TMX2: variants seen among roughly 807,000 people sequenced by gnomAD.
TMX2 encodes thioredoxin-related transmembrane protein 2.
In TMX2, 20 loss-of-function variants were observed where a neutral mutation model predicts 33.4. The ratio of observed to expected loss-of-function variants is 0.60; its 90% CI spans 0.42 to 0.87. TMX2 has a LOEUF of 0.87. TMX2 is among the 40% of genes least tolerant of loss of function. TMX2 has a pLI of 0.00. For synonymous variants in TMX2, 166 were observed against 140.7 expected, an observed-to-expected ratio of 1.18 and a Z score of -1.27; for missense variants, 340 against 370.7, an observed-to-expected ratio of 0.92 and a Z score of 0.68.
chr11:57,732,268 C>A (rs548934613), intron 1 of TMX2, among the ~76,000 whole-genome samples: 1 of 152,152 alleles, frequency 6.6e-6, no homozygotes, highest in Admixed American at 6.5e-5. Flanking sequence ...CAGATGAAGG[C>A]GCATCATCCA....
intron 1 of TMX2, among the ~76,000 whole-genome samples, chr11:57,715,432 T>A (rs1054948329): frequency 3.3e-5 from 5 of 149,504 alleles, no homozygotes; most frequent in Non-Finnish European, 7.4e-5. Flanking sequence ...ATTAAAAAAA[T>A]ATATTTTATA....
At chr11:57,713,321 C>G (rs539940982) in intron 1 of TMX2, among the ~76,000 whole-genome samples, 1 of 152,140 alleles carries the variant, frequency 6.6e-6, no homozygotes, top group African/African-American at 2.4e-5. Flanking sequence ...CACTGTCAGC[C>G]GCTTCTTAAT....
At chr11:57,729,114 CTCT>C (rs1462801395) in intron 1 of TMX2, among the ~76,000 whole-genome samples, 1 of 151,772 alleles carries the variant, frequency 6.6e-6, no homozygotes, top group African/African-American at 2.4e-5. Flanking sequence ...AGCTCAGCTC[CTCT>C]AAGGAGAAAA....
At chr11:57,718,805 G>T (rs1477412380) in intron 1 of TMX2, among the ~76,000 whole-genome samples, 1 of 150,738 alleles carries the variant, frequency 6.6e-6, no homozygotes, top group African/African-American at 2.4e-5. Flanking sequence ...ACAGGTGCCT[G>T]CCACCACGTC....
intron 1 of TMX2, among the ~76,000 whole-genome samples, chr11:57,734,986 C>T (rs1444406345): frequency 3.3e-5 from 5 of 150,866 alleles, no homozygotes; most frequent in Non-Finnish European, 5.9e-5. Flanking sequence ...ATACAAAAGC[C>T]GGGCGTGGTG....
chr11:57,740,069 G>T, intron 7 of TMX2, 30 bp from the exon 8 acceptor site: 1 of 1,613,608 alleles, frequency 6.2e-7, no homozygotes, highest in Middle Eastern at 1.7e-4. Context: ...TTCCAACCCA[G>T]ATCCTGACGT....
At chr11:57,716,761 G>C (rs1160044664) in intron 1 of TMX2, among the ~76,000 whole-genome samples, 2 of 144,618 alleles carry the variant, frequency 1.4e-5, no homozygotes, top group African/African-American at 2.6e-5. Context: ...CAGGCAGAGG[G>C]GCTCCTCACT....
intron 1 of TMX2, among the ~76,000 whole-genome samples, chr11:57,713,888 C>T (rs897662267): frequency 6.6e-6 from 1 of 152,100 alleles, no homozygotes; most frequent in African/African-American, 2.4e-5. Context: ...AAAAATCTGT[C>T]CAGGTGTGTT....
intron 1 of TMX2, among the ~76,000 whole-genome samples, chr11:57,728,338 A>AT (rs1189081004): frequency 6.6e-6 from 1 of 151,928 alleles, no homozygotes. Flanking sequence ...AATTTTTTAT[A>AT]TTTTTAGTAG....
chr11:57,731,083 T>C (rs923497626), intron 1 of TMX2, among the ~76,000 whole-genome samples: 104 of 151,846 alleles, frequency 6.8e-4, no homozygotes, highest in Middle Eastern at 3.4e-3. Flanking sequence ...ATTCTTCAGA[T>C]TGATATCTTA....
intron 1 of TMX2, among the ~76,000 whole-genome samples, chr11:57,725,142 G>C (rs1393488525): frequency 6.6e-6 from 1 of 152,106 alleles, no homozygotes; most frequent in Non-Finnish European, 1.5e-5. Context: ...ATGTAAATCT[G>C]CTCATGTAAA....
In TMX2 at chr11:57,719,038, T is replaced by A. The variant is rs1436449460; in HGVS notation, c.189+6231T>A. On this transcript the variant is annotated intron_variant, in intron 1 of 7. Coordinates refer to ENST00000278422, the MANE Select transcript of TMX2 (RefSeq NM_015959.4). ...TTCAGGCCATATATATATATATTTT[T>A]TTTTTTTTTTTTTTTTTGAGACAGA... Among the ~76,000 whole-genome samples the A allele has an allele frequency of 1.5e-3, 202 of 138,836 alleles. 1 individual carries two copies. The East Asian group carries it at 0.019, about 13-fold the overall frequency. 91.1% of individuals were successfully genotyped at this position (138,836 alleles called of 152,430 possible).
At chr11:57,716,300 C>T (rs1169020541) in intron 1 of TMX2, among the ~76,000 whole-genome samples, 2 of 136,164 alleles carry the variant, frequency 1.5e-5, no homozygotes, top group Non-Finnish European at 3.2e-5. Context: ...TGGGGCTGAC[C>T]CCCCCACCTC....
intron 1 of TMX2, among the ~76,000 whole-genome samples, chr11:57,721,188 G>A (rs1947604816): frequency 6.6e-6 from 1 of 152,038 alleles, no homozygotes; most frequent in African/African-American, 2.4e-5. Flanking sequence ...TGCAATCCCA[G>A]CTACCTGGGA....
At chr11:57,730,110 CA>C (rs112478360) in intron 1 of TMX2, among the ~76,000 whole-genome samples, 9 of 140,358 alleles carry the variant, frequency 6.4e-5, no homozygotes, top group African/African-American at 1.8e-4. Flanking sequence ...TTTCCCCCCA[CA>C]AAAAAAAATA....
At chr11:57,728,311 C>T (rs1359592531) in intron 1 of TMX2, among the ~76,000 whole-genome samples, 1 of 152,122 alleles carries the variant, frequency 6.6e-6, no homozygotes. Flanking sequence ...TACAGGCGCC[C>T]GCCACCATGC....
intron 1 of TMX2, chr11:57,718,227 G>T: frequency 6.9e-7 from 1 of 1,452,896 alleles, no homozygotes; most frequent in Non-Finnish European, 9.7e-7. Flanking sequence ...GTTGGGTCCA[G>T]CAATTGCCAT....
intron 1 of TMX2, among the ~76,000 whole-genome samples, chr11:57,734,793 C>G (rs1457131290): frequency 6.6e-6 from 1 of 151,980 alleles, no homozygotes; most frequent in Non-Finnish European, 1.5e-5. Flanking sequence ...TAAAATTAAT[C>G]TTTCCACAAC....
At chr11:57,717,585 C>G (rs965105277) in intron 1 of TMX2, among the ~76,000 whole-genome samples, 1 of 151,930 alleles carries the variant, frequency 6.6e-6, no homozygotes. Context: ...TGCCTGCAAT[C>G]GCAGGCACTC....
Sources: allele counts gnomAD v4.1 joint callset (sites outside exome capture counted in the v4.1 genomes callset), GRCh38; gene constraint gnomAD v4.1.1; transcripts MANE v1.5; gene names NCBI Gene and HGNC (gene_info 2026-07-23, HGNC 2026-07-21).